PCM1: variants seen among roughly 807,000 people sequenced by gnomAD.
PCM1 encodes the protein pericentriolar material 1.
In PCM1, 157 loss-of-function variants were observed where a neutral mutation model predicts 241.9. The ratio of observed to expected loss-of-function variants is 0.65; its 90% CI spans 0.57 to 0.74. The LOEUF (loss-of-function observed/expected upper bound fraction) is 0.74, where lower values mean the gene tolerates loss of function less well. Ranked by LOEUF, PCM1 falls within the 30% of genes least tolerant of loss-of-function variation. The pLI, the probability that PCM1 is intolerant of heterozygous loss-of-function variation, is 0.00. For missense variants in PCM1, 3,478 were observed against 2,360.1 expected (o/e 1.47, Z -9.81); for synonymous variants, 1,085 against 784.9 (o/e 1.38, Z -6.39).
rs780357756 is a variant in PCM1, at chr8:18,014,577, A to G, written c.5585-7A>G. The G allele has an allele frequency of 1.6e-5, 25 of 1,590,956 alleles. No homozygotes were observed. The highest frequency in any genetic ancestry group is 2.1e-5 in the Non-Finnish European group (25 of 1,166,938). On this transcript the variant is annotated splice_polypyrimidine_tract_variant and splice_region_variant and intron_variant, in intron 35 of 38. Coordinates refer to ENST00000325083, the MANE Select transcript of PCM1 (RefSeq NM_006197.4). ...ACACTAATGTTAAGACTTTCTTTTG[A>G]TGACAGATGACCAAAATAACTGTCC...
chr8:17,953,609 A>G (rs976143635), intron 9 of PCM1, among the ~76,000 whole-genome samples: 2 of 152,214 alleles, frequency 1.3e-5, no homozygotes, highest in Non-Finnish European at 2.9e-5. Context: ...AAACAAAACT[A>G]TGAAAAACTT....
At chr8:17,983,907 C>T (rs143885596) in intron 24 of PCM1, among the ~76,000 whole-genome samples, 2 of 152,046 alleles carry the variant, frequency 1.3e-5, no homozygotes, top group East Asian at 1.9e-4. Context: ...AAACAAGGAT[C>T]CAGAACTGAC....
intron 30 of PCM1, among the ~76,000 whole-genome samples, chr8:18,008,222 A>C (rs2091846085): frequency 6.6e-6 from 1 of 152,146 alleles, no homozygotes; most frequent in Non-Finnish European, 1.5e-5. Flanking sequence ...ACCTCCTGTC[A>C]GATCAGCAGC....
chr8:17,946,832 A>AGAGT (rs777108780), intron 6 of PCM1, among the ~76,000 whole-genome samples: 2 of 138,296 alleles, frequency 1.4e-5, no homozygotes, highest in Non-Finnish European at 3.2e-5. Context: ...TAGATTCTTC[A>AGAGT]GTGTGTGTGT....
chr8:17,960,466 A>G (rs1488619620), intron 15 of PCM1, 22 bp downstream of exon 15: 11 of 1,566,068 alleles, frequency 7.0e-6, no homozygotes, highest in Admixed American at 2.1e-5. Flanking sequence ...ATTTATTTCT[A>G]ATTGTCTGAA....
At chr8:18,022,148 G>C (rs937769723) in intron 36 of PCM1, among the ~76,000 whole-genome samples, 21 of 152,164 alleles carry the variant, frequency 1.4e-4, no homozygotes, top group Non-Finnish European at 4.4e-5. Context: ...ATCTCAAGTA[G>C]AGAGAGCTTC....
intron 34 of PCM1, among the ~76,000 whole-genome samples, chr8:18,013,391 G>T (rs1289848950): frequency 6.6e-6 from 1 of 152,152 alleles, no homozygotes; most frequent in Non-Finnish European, 1.5e-5. Flanking sequence ...ACTCCCAGTG[G>T]CCCCAGGTTT....
chr8:17,970,924 T>C (rs1587355160), intron 22 of PCM1, among the ~76,000 whole-genome samples: 1 of 152,190 alleles, frequency 6.6e-6, no homozygotes, highest in East Asian at 1.9e-4. Context: ...GATAAAATCC[T>C]GTAGTCTTAT....
intron 34 of PCM1, 143 bp from the exon 35 acceptor site, chr8:18,013,821 C>A: frequency 3.4e-6 from 2 of 593,918 alleles, no homozygotes; most frequent in Non-Finnish European, 3.0e-6. Context: ...CCAAAGCCGC[C>A]TCCTTGAAAT....
intron 7 of PCM1, among the ~76,000 whole-genome samples, chr8:17,950,007 C>T (rs1025997376): frequency 6.6e-6 from 1 of 152,062 alleles, no homozygotes; most frequent in Non-Finnish European, 1.5e-5. Flanking sequence ...CATTTTACTG[C>T]AGGGGTCAGC....
At chr8:18,014,991 C>G (rs1160252609) in intron 36 of PCM1, among the ~76,000 whole-genome samples, 151 bp downstream of exon 36, 2 of 152,014 alleles carry the variant, frequency 1.3e-5, no homozygotes, top group African/African-American at 2.4e-5. Flanking sequence ...TTAACTTTAG[C>G]AGAAGGGTAA....
intron 37 of PCM1, 32 bp downstream of exon 37, chr8:18,025,485 T>G: frequency 6.6e-7 from 1 of 1,522,212 alleles, no homozygotes; most frequent in Non-Finnish European, 9.1e-7. Flanking sequence ...AACTTGTCTT[T>G]ACATAACAAA....
chr8:18,024,431 T>C (rs2094001577), intron 36 of PCM1, among the ~76,000 whole-genome samples: 1 of 152,222 alleles, frequency 6.6e-6, no homozygotes, highest in Admixed American at 6.5e-5. Flanking sequence ...AGGGGGCTTA[T>C]AATCTTTGAA....
At position 18,010,663 on chromosome 8, in the gene PCM1, G is replaced by C; in HGVS notation, c.5215G>C (p.Asp1739His). Residue 1739 changes from aspartate (D) to histidine (H), a missense_variant, in exon 32 of 39, where the codon GAC (aspartate) becomes CAC (histidine). Transcript: ENST00000325083. ...ACCTGCTGGAGAGATTGATGATGAA[G>C]ACAAAGTATGTGCTAATTAATTTTT... ...GSPAGEIDDE[D>H]KDKDETETVK... 2 of 1,598,042 alleles carry C rather than the reference G, an allele frequency of 1.3e-6. No individual in the cohort carries two copies. The highest frequency in any genetic ancestry group is 1.7e-6 in the Non-Finnish European group (2 of 1,171,934).
In PCM1 at chr8:17,991,655, G is replaced by A; in HGVS notation, c.4645G>A (p.Asp1549Asn). 6.4e-7 allele frequency: 1 copy of A among 1,564,294 alleles called. No individual in the cohort carries two copies. Among genetic ancestry groups the A allele is most frequent in the Non-Finnish European group, 8.7e-7 (1 of 1,153,508 alleles). ...NMRCTCRIIE[D>N]GDGAGAGTTV... ...GAGATGCACCTGCAGGATTATTGAGGATGGAGATGGTGCTGGTGCAGGTAC... is the reference window on the plus strand; with the variant it reads ...GAGATGCACCTGCAGGATTATTGAGAATGGAGATGGTGCTGGTGCAGGTAC... The change falls in exon 28 of 39, where the codon GAT becomes AAT. Residue 1549 changes from aspartate (D) to asparagine (N), a missense_variant. By Grantham distance (23) the Asp-to-Asn change is conservative (BLOSUM62 1). Transcript: ENST00000325083.
intron 6 of PCM1, 185 bp downstream of exon 6, chr8:17,940,046 GA>G: frequency 1.3e-6 from 2 of 1,563,400 alleles, no homozygotes; most frequent in Non-Finnish European, 8.6e-7. Flanking sequence ...TTTCAGGCTA[GA>G]GAAAATGAGG....
At chr8:18,022,653 C>A (rs920772033) in intron 36 of PCM1, among the ~76,000 whole-genome samples, 7 of 152,206 alleles carry the variant, frequency 4.6e-5, no homozygotes, top group Non-Finnish European at 8.8e-5. Flanking sequence ...TCACTATGGA[C>A]AGAAAACCTT....
chr8:17,934,041 T>A, intron 2 of PCM1, among the ~76,000 whole-genome samples: 1 of 152,106 alleles, frequency 6.6e-6, no homozygotes, highest in East Asian at 1.9e-4. Flanking sequence ...TTCGTTGAAT[T>A]TTATCATTTT....
At chr8:17,971,976 C>T (rs557600480) in intron 22 of PCM1, among the ~76,000 whole-genome samples, 1 of 152,254 alleles carries the variant, frequency 6.6e-6, no homozygotes, top group African/African-American at 2.4e-5. Flanking sequence ...AACTCCTGGG[C>T]TCAAGCATTC....
Sources: gnomAD v4.1 joint callset for allele counts (sites outside exome capture counted in the v4.1 genomes callset) on GRCh38, gnomAD v4.1.1 for gene constraint, MANE v1.5 for transcripts, NCBI Gene and HGNC (gene_info 2026-07-23, HGNC 2026-07-21) for gene names.